The following NTM variants were observed in gnomAD, a reference collection of about 807,000 sequenced individuals.
NTM encodes IgLON family member 2.
NTM carries 13 observed loss-of-function variants against 42.1 expected under a neutral mutation model. The observed-to-expected ratio is 0.31, with a 90% CI of 0.20 to 0.49. The LOEUF is 0.49. Ranked by LOEUF, NTM falls within the 20% of genes least tolerant of loss-of-function variation. The probability of loss-of-function intolerance (pLI) is 0.99; values close to 1 mark genes in which losing one functional copy is unlikely to be tolerated. For synonymous variants in NTM, 187 were observed against 179.2 expected (o/e 1.04, Z -0.35); for missense variants, 373 against 452.8 (o/e 0.82, Z 1.60).
At chr11:132,303,483 A>G (rs1198217446) in intron 4 of NTM, among the ~76,000 whole-genome samples, 6 of 152,200 alleles carry the variant, frequency 3.9e-5, no homozygotes, top group African/African-American at 7.2e-5. Flanking sequence ...TAAGGACACC[A>G]GTCAGATTAG....
At chr11:131,805,543 A>AT (rs1392450397) in intron 1 of NTM, among the ~76,000 whole-genome samples, 1 of 152,254 alleles carries the variant, frequency 6.6e-6, no homozygotes, top group Non-Finnish European at 1.5e-5. Flanking sequence ...ATTTAAAAAA[A>AT]GTTTGCCCTA....
chr11:131,722,704 A>G (rs1241048913), intron 1 of NTM, among the ~76,000 whole-genome samples: 2 of 152,196 alleles, frequency 1.3e-5, no homozygotes, highest in East Asian at 3.9e-4. Flanking sequence ...CTGCAGGGCC[A>G]CTAGAGAAGT....
chr11:131,515,863 A>G (rs1041997393), intron 1 of NTM, among the ~76,000 whole-genome samples: 1 of 152,302 alleles, frequency 6.6e-6, no homozygotes, highest in Non-Finnish European at 1.5e-5. Context: ...TTAAATTATC[A>G]TATGTACTAC....
chr11:131,875,566 G>C (rs181004861), intron 1 of NTM, among the ~76,000 whole-genome samples: 144 of 152,308 alleles, frequency 9.5e-4, no homozygotes, highest in African/African-American at 3.1e-3. Context: ...AAAAAAGAAA[G>C]CTATACCCAA....
chr11:131,445,595 T>TGG (rs1411611106), intron 1 of NTM, among the ~76,000 whole-genome samples: 1 of 152,040 alleles, frequency 6.6e-6, no homozygotes, highest in Non-Finnish European at 1.5e-5. Context: ...TCCCAGAGTG[T>TGG]GGGAGCAGGA....
chr11:131,509,744 G>T (rs1376203086), intron 1 of NTM, among the ~76,000 whole-genome samples: 1 of 152,318 alleles, frequency 6.6e-6, no homozygotes. Context: ...ATGAGAGGAG[G>T]TTGGGATTCT....
At chr11:131,380,043 A>T (rs1165350557) in intron 1 of NTM, among the ~76,000 whole-genome samples, 2 of 151,742 alleles carry the variant, frequency 1.3e-5, no homozygotes, top group African/African-American at 4.8e-5. Context: ...AAACTGAGGC[A>T]CTCCCTGCTC....
At position 131,789,494 on chromosome 11, in the gene NTM, A is replaced by AAGAAGAAGAAAG. The variant is rs1555127409; in HGVS notation, c.83-122069_83-122068insGAAGAAGAAAGA. Among the ~76,000 whole-genome samples, 3 of 3,860 alleles carry AAGAAGAAGAAAG rather than the reference A, an allele frequency of 7.8e-4. 1 individual carries two copies. The highest frequency in any genetic ancestry group is 1.5e-3 in the Non-Finnish European group (3 of 2,054). 2.5% of individuals were successfully genotyped at this position (3,860 alleles called of 152,430 possible). A position where few individuals can be genotyped will look rare whatever the true frequency, so the allele number is the denominator to read the frequency against. ...GAAGAAGAAGAAGAAGAAGAAGAGG[A>AAGAAGAAGAAAG]AAGAAGAAGAAGAAGAAGAAGAAGA... On this transcript the variant is annotated intron_variant, in intron 1 of 8. Transcript: ENST00000683400.
chr11:131,706,430 C>T (rs1386072619), intron 1 of NTM, among the ~76,000 whole-genome samples: 2 of 151,860 alleles, frequency 1.3e-5, no homozygotes, highest in Non-Finnish European at 2.9e-5. Flanking sequence ...CTTACTCAGA[C>T]AGAAAAATCA....
chr11:131,426,795 G>A (rs896155007), intron 1 of NTM, among the ~76,000 whole-genome samples: 1 of 152,168 alleles, frequency 6.6e-6, no homozygotes, highest in Non-Finnish European at 1.5e-5. Flanking sequence ...CGGAGGAAGA[G>A]CTGGCATATT....
intron 3 of NTM, among the ~76,000 whole-genome samples, chr11:132,179,730 G>A (rs1187005353): frequency 1.3e-5 from 2 of 152,164 alleles, no homozygotes; most frequent in Non-Finnish European, 2.9e-5. Context: ...AATTAGCCTT[G>A]ATGATGCAGG....
chr11:131,528,826 T>C (rs894940513), intron 1 of NTM, among the ~76,000 whole-genome samples: 1 of 152,234 alleles, frequency 6.6e-6, no homozygotes, highest in African/African-American at 2.4e-5. Context: ...ATGGATCTCC[T>C]CTTCCCTGAC....
At chr11:132,069,655 AGTT>A (rs2057149582) in intron 2 of NTM, among the ~76,000 whole-genome samples, 2 of 150,152 alleles carry the variant, frequency 1.3e-5, no homozygotes, top group African/African-American at 4.9e-5. Flanking sequence ...CACCCAGCCA[AGTT>A]AACACGTCAC....
chr11:131,922,908 G>T (rs1037089360), intron 2 of NTM, among the ~76,000 whole-genome samples: 1 of 152,140 alleles, frequency 6.6e-6, no homozygotes, highest in African/African-American at 2.4e-5. Flanking sequence ...TGCCTCGCTC[G>T]TGGGAATGCA....
intron 4 of NTM, among the ~76,000 whole-genome samples, chr11:132,241,484 G>T (rs2090178862): frequency 6.6e-6 from 1 of 152,154 alleles, no homozygotes; most frequent in African/African-American, 2.4e-5. Context: ...GTGACGTCTA[G>T]TTACATGAGC....
At chr11:131,655,957 G>A (rs183584874) in intron 1 of NTM, among the ~76,000 whole-genome samples, 1 of 152,202 alleles carries the variant, frequency 6.6e-6, no homozygotes, top group Non-Finnish European at 1.5e-5. Flanking sequence ...TAGGTCCTGG[G>A]AGGACCTCCT....
intron 1 of NTM, among the ~76,000 whole-genome samples, chr11:131,711,405 G>A (rs1425013752): frequency 6.6e-6 from 1 of 152,182 alleles, no homozygotes; most frequent in Non-Finnish European, 1.5e-5. Context: ...GGCTATCAGA[G>A]AAATGCAAAT....
rs146603557 is a variant in NTM, at chr11:131,537,500, G to A, written c.82+166612G>A. ...CCTCCCAGGTGCCATCTTGGGAAGAGGCTTCTGAAGATCAGCTTCAAAAGG... is the reference window on the plus strand; with the variant it reads ...CCTCCCAGGTGCCATCTTGGGAAGAAGCTTCTGAAGATCAGCTTCAAAAGG... On this transcript the variant is annotated intron_variant, in intron 1 of 8. Coordinates refer to ENST00000683400, the MANE Select transcript of NTM (RefSeq NM_001352005.2). The A allele has an allele frequency of 7.2e-5, 11 of 152,344 alleles. No individual in the cohort carries two copies. In the East Asian group the frequency reaches 2.1e-3, roughly 30 times the overall value. The allele number at this position is 152,344 out of a possible 1,614,324, so 9.4% of individuals were successfully genotyped here.
intron 1 of NTM, among the ~76,000 whole-genome samples, chr11:131,812,205 TCTCTCTCTC>T (rs1168122707): frequency 0.037 from 3,100 of 84,610 alleles, 111 homozygotes; most frequent in African/African-American, 0.1. Context: ...TCTCTCTCTC[TCTCTCTCTC>T]TCTCTCTTCC....
Sources: gnomAD v4.1 joint callset for allele counts (sites outside exome capture counted in the v4.1 genomes callset) on GRCh38, gnomAD v4.1.1 for gene constraint, MANE v1.5 for transcripts, NCBI Gene and HGNC (gene_info 2026-07-23, HGNC 2026-07-21) for gene names.